The following LINGO2 variants were observed in gnomAD, a reference collection of about 807,000 sequenced individuals.
LINGO2 encodes the protein leucine rich repeat and Ig domain containing 2, also known as leucine-rich repeat and immunoglobulin-like domain-containing nogo receptor-interacting protein 2.
In LINGO2, 14 loss-of-function variants were observed where a neutral mutation model predicts 30.6. The observed-to-expected ratio is 0.46, with a 90% CI of 0.30 to 0.72. The LOEUF (loss-of-function observed/expected upper bound fraction) is 0.72. Among genes scored for constraint, LINGO2 ranks in the 30% least tolerant of loss-of-function variants. The pLI is 0.07. For synonymous variants in LINGO2, 317 were observed against 288.5 expected, an observed-to-expected ratio of 1.10 and a Z score of -1.00; for missense variants, 729 against 751.7, an observed-to-expected ratio of 0.97 and a Z score of 0.35.
At chr9:28,110,396 G>A (rs1404213474) in intron 4 of LINGO2, among the ~76,000 whole-genome samples, 1 of 152,156 alleles carries the variant, frequency 6.6e-6, no homozygotes, top group Non-Finnish European at 1.5e-5. Context: ...TGACAAATGG[G>A]ATCTAATTAA....
the LINGO2 span, among the ~76,000 whole-genome samples, chr9:29,209,432 C>G: frequency 6.6e-6 from 1 of 151,976 alleles, no homozygotes; most frequent in East Asian, 1.9e-4. Context: ...AAATTATGGA[C>G]TGACCATTAT....
intron 5 of LINGO2, among the ~76,000 whole-genome samples, chr9:27,994,008 CTG>C (rs1271756182): frequency 6.6e-6 from 1 of 151,626 alleles, no homozygotes; most frequent in Admixed American, 6.6e-5. Context: ...ACTTTGGAAA[CTG>C]TACAAAAAAT....
chr9:29,208,047 C>A, the LINGO2 span, among the ~76,000 whole-genome samples: 3 of 151,950 alleles, frequency 2.0e-5, no homozygotes, highest in Admixed American at 6.6e-5. Context: ...TGGTCCTGGG[C>A]AAATTCCACT....
At chr9:28,610,354 C>A (rs1472567278) in intron 1 of LINGO2, among the ~76,000 whole-genome samples, 1 of 152,076 alleles carries the variant, frequency 6.6e-6, no homozygotes, top group East Asian at 1.9e-4. Flanking sequence ...CAATTTATTT[C>A]ACTTCCTCCA....
At position 28,148,639 on chromosome 9, in the gene LINGO2, A is replaced by G. The variant is rs572983954; in HGVS notation, c.-86-136234T>C. 7.8e-5 allele frequency: 119 copies of G among 1,531,018 alleles called. No homozygotes were observed. The highest frequency in any genetic ancestry group is 9.4e-5 in the Non-Finnish European group (107 of 1,143,636). 94.8% of individuals were successfully genotyped at this position (1,531,018 alleles called of 1,614,324 possible). A position where few individuals can be genotyped will look rare whatever the true frequency, so the allele number is the denominator to read the frequency against. ...ATGTCCACCTCAAGAGCTTGACAGA[A>G]AACAACCAGACTGACAAGGCCCAGG... is the stretch of plus-strand genomic sequence containing the variant. On this transcript the variant is annotated intron_variant, in intron 4 of 5. Transcript: ENST00000379992. The surrounding 1 kb of genome is among the most constrained non-coding windows in gnomAD (Gnocchi z 5.1).
At chr9:28,460,466 A>T (rs2135117810) in intron 2 of LINGO2, among the ~76,000 whole-genome samples, 1 of 152,296 alleles carries the variant, frequency 6.6e-6, no homozygotes, top group Non-Finnish European at 1.5e-5. Context: ...AGTATAGGTG[A>T]CTTTTAAAGT....
intron 2 of LINGO2, among the ~76,000 whole-genome samples, chr9:28,450,947 A>G (rs150716269): frequency 6.6e-6 from 1 of 152,106 alleles, no homozygotes; most frequent in African/African-American, 2.4e-5. Context: ...GGTGAACAGT[A>G]TAAATGAGCC....
the LINGO2 span, among the ~76,000 whole-genome samples, chr9:28,966,707 C>T: frequency 6.6e-6 from 1 of 151,952 alleles, no homozygotes; most frequent in African/African-American, 2.4e-5. Context: ...TTCAGTAGAC[C>T]ACATCGCCTC....
chr9:28,527,192 T>C (rs1821069334), intron 1 of LINGO2, among the ~76,000 whole-genome samples: 1 of 152,148 alleles, frequency 6.6e-6, no homozygotes, highest in African/African-American at 2.4e-5. Flanking sequence ...CACTGGACAA[T>C]TGATGACAAT....
rs1819886996 is a variant in LINGO2, at chr9:28,501,561, T to C, written c.-364-25536A>G. 2.0e-5 allele frequency among the ~76,000 whole-genome samples: 3 copies of C among 152,156 alleles called. No individual in the cohort carries two copies. In the South Asian group the frequency reaches 6.2e-4, roughly 31 times the overall value. ...CTAAAAATATCAGTGACCACTGTAATGTGAATGTGAATTTATTACATTTCC... is the reference window on the plus strand; with the variant it reads ...CTAAAAATATCAGTGACCACTGTAACGTGAATGTGAATTTATTACATTTCC... On this transcript the variant is annotated intron_variant, in intron 1 of 5. Coordinates refer to ENST00000379992, the Ensembl canonical transcript of LINGO2.
At chr9:28,435,501 C>T (rs905187530) in intron 2 of LINGO2, among the ~76,000 whole-genome samples, 1 of 152,148 alleles carries the variant, frequency 6.6e-6, no homozygotes, top group Non-Finnish European at 1.5e-5. Context: ...CTAATGATCT[C>T]TGGACTGTGA....
the LINGO2 span, among the ~76,000 whole-genome samples, chr9:28,719,170 G>A: frequency 6.6e-6 from 1 of 151,944 alleles, no homozygotes; most frequent in Non-Finnish European, 1.5e-5. Context: ...GCATTTCAAG[G>A]TTAATGTCAC....
the LINGO2 span, among the ~76,000 whole-genome samples, chr9:28,885,326 G>C: frequency 7.0e-6 from 1 of 143,298 alleles, no homozygotes; most frequent in Non-Finnish European, 1.5e-5. Flanking sequence ...GACTAGGCTG[G>C]ACTCCCTGGA....
chr9:28,362,617 T>C (rs1479584788), intron 3 of LINGO2, among the ~76,000 whole-genome samples: 4 of 152,048 alleles, frequency 2.6e-5, no homozygotes, highest in African/African-American at 9.7e-5. Context: ...ATTACAGGCA[T>C]GCATCACCGC....
intron 4 of LINGO2, among the ~76,000 whole-genome samples, chr9:28,243,324 GT>G (rs1225436887): frequency 6.6e-6 from 1 of 151,980 alleles, no homozygotes; most frequent in Non-Finnish European, 1.5e-5. Context: ...ACCGGGTGTG[GT>G]GGTGGGTGCC....
chr9:28,126,400 A>T (rs1587040118), intron 4 of LINGO2, among the ~76,000 whole-genome samples: 1 of 152,216 alleles, frequency 6.6e-6, no homozygotes, highest in East Asian at 1.9e-4. Flanking sequence ...CTGACCACCG[A>T]GACCAATATA....
chr9:29,076,689 C>T, the LINGO2 span, among the ~76,000 whole-genome samples: 5 of 149,656 alleles, frequency 3.3e-5, no homozygotes, highest in African/African-American at 1.2e-4. Context: ...TTTAGACACA[C>T]AACGTAAGGG....
chr9:28,051,568 G>C (rs978746699), intron 4 of LINGO2, among the ~76,000 whole-genome samples: 13 of 152,050 alleles, frequency 8.5e-5, no homozygotes, highest in African/African-American at 3.1e-4. Context: ...ACCTCTTAGA[G>C]GTGATTTCAT....
rs533668904 is a variant in LINGO2 at position 28,188,151 on chromosome 9, C to T, written c.-87+107057G>A. On this transcript the variant is annotated intron_variant, in intron 4 of 5. Coordinates refer to ENST00000379992, the Ensembl canonical transcript of LINGO2. Reference sequence around the variant, plus strand: ...TCTTCTGCTGTCTAGAGCTCAAAACCTTTGTGTGGACTAAACAGCTGACAG... The same window carrying T: ...TCTTCTGCTGTCTAGAGCTCAAAACTTTTGTGTGGACTAAACAGCTGACAG... 2.6e-3 allele frequency among the ~76,000 whole-genome samples: 395 copies of T among 152,222 alleles called. 4 individuals are homozygous for T. Among genetic ancestry groups the T allele is most frequent in the African/African-American group, 9.1e-3 (376 of 41,546 alleles).
Sources: gnomAD v4.1 joint callset for allele counts (sites outside exome capture counted in the v4.1 genomes callset) on GRCh38, gnomAD v4.1.1 for gene constraint, Gnocchi (gnomAD v3.1) non-coding constraint, MANE v1.5 for transcripts, NCBI Gene and HGNC (gene_info 2026-07-23, HGNC 2026-07-21) for gene names.